ATRNL1: variants seen among roughly 807,000 people sequenced by gnomAD.
ATRNL1 encodes attractin like 1, also known as attractin-like protein 1.
A neutral mutation model predicts 182.7 loss-of-function variants in ATRNL1; 95 were observed. The ratio of observed to expected loss-of-function variants is 0.52; its 90% CI spans 0.44 to 0.62. The LOEUF is 0.62. Among genes scored for constraint, ATRNL1 ranks in the 20% least tolerant of loss-of-function variants. The pLI, the probability that ATRNL1 is intolerant of heterozygous loss-of-function variation, is 0.00. For synonymous variants in ATRNL1, 576 were observed against 568.3 expected, an observed-to-expected ratio of 1.01 and a Z score of -0.19; for missense variants, 1,471 against 1,679.5, an observed-to-expected ratio of 0.88 and a Z score of 2.17.
chr10:115,927,772 G>A (rs1953279254), intron 28 of ATRNL1, among the ~76,000 whole-genome samples: 2 of 151,916 alleles, frequency 1.3e-5, no homozygotes, highest in African/African-American at 4.8e-5. Context: ...TAGGTGTTGG[G>A]AATCGTTTTA....
At chr10:115,630,429 A>G (rs1400590060) in intron 26 of ATRNL1, among the ~76,000 whole-genome samples, 1 of 151,998 alleles carries the variant, frequency 6.6e-6, no homozygotes, top group Non-Finnish European at 1.5e-5. Flanking sequence ...CAACAGGTAC[A>G]GCTATTATAG....
At chr10:115,104,382 T>C (rs1160210671) in intron 1 of ATRNL1, among the ~76,000 whole-genome samples, 1 of 152,218 alleles carries the variant, frequency 6.6e-6, no homozygotes, top group African/African-American at 2.4e-5. Context: ...TATTTTTGAA[T>C]TGGATTATTA....
At chr10:115,324,979 A>C (rs1554932717) in intron 18 of ATRNL1, among the ~76,000 whole-genome samples, 5 of 152,168 alleles carry the variant, frequency 3.3e-5, no homozygotes, top group Non-Finnish European at 7.4e-5. Flanking sequence ...GTGTTGAAAA[A>C]TGCTTTGGGT....
chr10:115,774,580 T>C (rs1949076420), intron 27 of ATRNL1, among the ~76,000 whole-genome samples: 1 of 152,138 alleles, frequency 6.6e-6, no homozygotes, highest in Non-Finnish European at 1.5e-5. Context: ...TAGAAGAAGT[T>C]TTTACATTCC....
chr10:115,429,697 T>G (rs1416675712), intron 21 of ATRNL1, among the ~76,000 whole-genome samples: 1 of 152,210 alleles, frequency 6.6e-6, no homozygotes, highest in African/African-American at 2.4e-5. Context: ...TTTAGAATAT[T>G]TTTAGTATGA....
At chr10:115,824,965 C>T (rs1950394350) in intron 27 of ATRNL1, among the ~76,000 whole-genome samples, 1 of 151,992 alleles carries the variant, frequency 6.6e-6, no homozygotes, top group Non-Finnish European at 1.5e-5. Flanking sequence ...GCACTGTTCA[C>T]AATAGCAAAG....
chr10:115,141,699 T>C (rs1845759094), intron 5 of ATRNL1, among the ~76,000 whole-genome samples: 1 of 152,196 alleles, frequency 6.6e-6, no homozygotes, highest in Non-Finnish European at 1.5e-5. Context: ...CATTTTCCTT[T>C]AGAAATATAA....
At chr10:115,595,589 C>T (rs17803797) in intron 26 of ATRNL1, among the ~76,000 whole-genome samples, 25,252 of 152,078 alleles carry the variant, frequency 0.17, 2,576 homozygotes, top group South Asian at 0.24. Context: ...TCTTTTATTA[C>T]ACTCCCACTT....
intron 24 of ATRNL1, among the ~76,000 whole-genome samples, chr10:115,477,907 C>T (rs1848603872): frequency 6.6e-6 from 1 of 151,554 alleles, no homozygotes; most frequent in South Asian, 2.1e-4. Flanking sequence ...TTCATCAATG[C>T]CAATTCTAAT....
At chr10:115,134,679 A>G (rs1257809753) in intron 5 of ATRNL1, among the ~76,000 whole-genome samples, 3 of 152,190 alleles carry the variant, frequency 2.0e-5, no homozygotes, top group Admixed American at 1.3e-4. Flanking sequence ...TCCCTAACTC[A>G]TTTTATGAGG....
intron 24 of ATRNL1, among the ~76,000 whole-genome samples, chr10:115,478,661 C>T (rs973402850): frequency 4.6e-5 from 7 of 151,506 alleles, no homozygotes; most frequent in African/African-American, 1.7e-4. Flanking sequence ...ACAGATTCCA[C>T]CTATACTTAA....
intron 8 of ATRNL1, among the ~76,000 whole-genome samples, chr10:115,210,739 C>G (rs1554894816): frequency 1.3e-5 from 2 of 151,604 alleles, no homozygotes; most frequent in Non-Finnish European, 2.9e-5. Context: ...TTAATAGTAT[C>G]TCTTTGTAAA....
intron 25 of ATRNL1, among the ~76,000 whole-genome samples, chr10:115,519,790 C>G (rs1850827064): frequency 1.3e-5 from 2 of 152,104 alleles, no homozygotes; most frequent in Admixed American, 1.3e-4. Flanking sequence ...AAATAGTGCT[C>G]TTTTGGTTGG....
rs557759513 is a variant in ATRNL1, at chr10:115,824,097, A to G, written c.3904-23780A>G. On this transcript the variant is annotated intron_variant, in intron 27 of 28. Coordinates refer to ENST00000355044, the MANE Select transcript of ATRNL1 (RefSeq NM_207303.4). ...AAACAGATATGTAGACCAATGGAAC[A>G]GAACAGAGGCCTCAGAAATAATGCC... 2.6e-5 allele frequency among the ~76,000 whole-genome samples: 4 copies of G among 152,342 alleles called. No homozygotes were observed. The East Asian group carries it at 7.7e-4, about 29-fold the overall frequency.
intron 27 of ATRNL1, among the ~76,000 whole-genome samples, chr10:115,819,233 T>A (rs537975311): frequency 8.9e-6 from 1 of 112,130 alleles, no homozygotes; most frequent in South Asian, 2.8e-4. Flanking sequence ...TCCCCTTTAG[T>A]GTCCCTTTGG....
chr10:115,686,468 T>C (rs1476663055), intron 26 of ATRNL1, among the ~76,000 whole-genome samples: 2 of 152,056 alleles, frequency 1.3e-5, no homozygotes, highest in Non-Finnish European at 2.9e-5. Flanking sequence ...AGACCTGCTA[T>C]TAACCTTCAT....
chr10:115,328,925 ACATT>A (rs1334456310), intron 18 of ATRNL1, among the ~76,000 whole-genome samples: 1 of 152,146 alleles, frequency 6.6e-6, no homozygotes, highest in Non-Finnish European at 1.5e-5. Flanking sequence ...ATATATTAAT[ACATT>A]GAAGTGCTGA....
intron 27 of ATRNL1, among the ~76,000 whole-genome samples, chr10:115,784,096 C>G (rs782224284): frequency 7.2e-5 from 11 of 152,158 alleles, no homozygotes; most frequent in Admixed American, 4.6e-4. Flanking sequence ...GTTTTGTGAA[C>G]TAAAACAAGA....
At position 115,861,350 on chromosome 10, in the gene ATRNL1, T is replaced by C. The variant is rs149144857; in HGVS notation, c.4018+13359T>C. On this transcript the variant is annotated intron_variant, in intron 28 of 28. Coordinates refer to ENST00000355044, the MANE Select transcript of ATRNL1 (RefSeq NM_207303.4). ...ATTTCTGTAGGGGCTAAATTGTGCC[T>C]ACAACATAGTAAAAGACAATTTGCT... 1.3e-3 allele frequency among the ~76,000 whole-genome samples: 192 copies of C among 152,326 alleles called. 3 individuals carry two copies. In the East Asian group the frequency reaches 0.014, roughly 11 times the overall value.
Sources: allele counts gnomAD v4.1 joint callset (sites outside exome capture counted in the v4.1 genomes callset), GRCh38; gene constraint gnomAD v4.1.1; transcripts MANE v1.5; gene names NCBI Gene and HGNC (gene_info 2026-07-23, HGNC 2026-07-21).